The following SCAF8 variants were observed in gnomAD, a reference collection of about 807,000 sequenced individuals.
SCAF8 encodes the protein SR-related CTD associated factor 8.
In SCAF8, 23 loss-of-function variants were observed where a neutral mutation model predicts 140.5. The observed-to-expected ratio is 0.16, with a 90% confidence interval of 0.12 to 0.23. The LOEUF is 0.23. SCAF8 is among the 10% of genes least tolerant of loss of function. SCAF8 has a pLI of 1.00. For synonymous variants in SCAF8, 575 were observed against 528.9 expected, an observed-to-expected ratio of 1.09 and a Z score of -1.20; for missense variants, 1,397 against 1,555.7, an observed-to-expected ratio of 0.90 and a Z score of 1.72.
intron 1 of SCAF8, chr6:154,742,079 A>T: frequency 9.3e-7 from 1 of 1,078,956 alleles, no homozygotes; most frequent in South Asian, 1.3e-5. Flanking sequence ...TTCAATTGGT[A>T]GTGGAATAGT....
intron 1 of SCAF8, among the ~76,000 whole-genome samples, chr6:154,765,031 G>GTAA (rs1188531189): frequency 6.6e-6 from 1 of 152,176 alleles, no homozygotes; most frequent in African/African-American, 2.4e-5. Flanking sequence ...ACCAGGCATT[G>GTAA]TAATGTCTTG....
intron 2 of SCAF8, among the ~76,000 whole-genome samples, chr6:154,775,220 C>T (rs1776882816): frequency 6.6e-6 from 1 of 152,112 alleles, no homozygotes; most frequent in Non-Finnish European, 1.5e-5. Flanking sequence ...TAGTTAAAAT[C>T]AGTGTACTTC....
chr6:154,746,894 ATTAACT>A (rs1410373226), intron 1 of SCAF8, among the ~76,000 whole-genome samples: 2 of 152,310 alleles, frequency 1.3e-5, no homozygotes, highest in East Asian at 1.9e-4. Context: ...TTAAAGATAA[ATTAACT>A]TTAATCATTT....
At chr6:154,823,929 C>A (rs763953569) in intron 16 of SCAF8, among the ~76,000 whole-genome samples, 8 of 152,124 alleles carry the variant, frequency 5.3e-5, no homozygotes, top group Non-Finnish European at 8.8e-5. Context: ...ACAGGTATTA[C>A]TGAGTGGGAG....
At chr6:154,749,441 A>T (rs770364297) in intron 1 of SCAF8, among the ~76,000 whole-genome samples, 1 of 152,148 alleles carries the variant, frequency 6.6e-6, no homozygotes. Flanking sequence ...GCCATTCTGC[A>T]GGGTAGTCCG....
chr6:154,784,479 A>G (rs777609363), intron 3 of SCAF8, among the ~76,000 whole-genome samples: 1 of 152,190 alleles, frequency 6.6e-6, no homozygotes, highest in African/African-American at 2.4e-5. Context: ...AGGGATGTTT[A>G]TATAATTACA....
chr6:154,808,038 A>C (rs779509089), intron 9 of SCAF8, 32 bp from the exon 10 acceptor site: 3 of 1,576,334 alleles, frequency 1.9e-6, no homozygotes, highest in South Asian at 1.2e-5. Flanking sequence ...AGTATCTCCC[A>C]ATCTTTGTGT....
chr6:154,778,906 A>G (rs538038656), intron 3 of SCAF8, among the ~76,000 whole-genome samples: 1 of 152,278 alleles, frequency 6.6e-6, no homozygotes, highest in East Asian at 1.9e-4. Context: ...CTTAAAGTTT[A>G]AAAATGTTAG....
At chr6:154,768,014 A>G (rs1033573504) in intron 1 of SCAF8, among the ~76,000 whole-genome samples, 8 of 152,190 alleles carry the variant, frequency 5.3e-5, no homozygotes, top group African/African-American at 1.4e-4. Flanking sequence ...TGCCTTTCTT[A>G]TAACAATTCT....
intron 8 of SCAF8, among the ~76,000 whole-genome samples, chr6:154,804,508 T>C (rs917351708): frequency 6.6e-6 from 1 of 152,168 alleles, no homozygotes; most frequent in Non-Finnish European, 1.5e-5. Flanking sequence ...GTTAACTAAT[T>C]GTTATTATTG....
At chr6:154,747,935 T>TGTGTGTGTGTAC (rs1778745153) in intron 1 of SCAF8, among the ~76,000 whole-genome samples, 1 of 145,838 alleles carries the variant, frequency 6.9e-6, no homozygotes, top group Admixed American at 6.9e-5. Flanking sequence ...TGTGTGTGTG[T>TGTGTGTGTGTAC]GTACTAGAAA....
At chr6:154,738,052 G>T (rs1778473175) in intron 1 of SCAF8, among the ~76,000 whole-genome samples, 1 of 151,978 alleles carries the variant, frequency 6.6e-6, no homozygotes, top group African/African-American at 2.4e-5. Context: ...TGAATTGTGG[G>T]TGTGTGTCTG....
At chr6:154,749,207 G>A (rs1582999976) in intron 1 of SCAF8, among the ~76,000 whole-genome samples, 2 of 152,154 alleles carry the variant, frequency 1.3e-5, no homozygotes, top group South Asian at 4.1e-4. Context: ...TCCCAAAGTG[G>A]TGGGATTACA....
intron 1 of SCAF8, among the ~76,000 whole-genome samples, chr6:154,767,103 C>T (rs762179462): frequency 4.6e-5 from 7 of 152,096 alleles, no homozygotes; most frequent in Non-Finnish European, 8.8e-5. Flanking sequence ...GGCAAGGGTA[C>T]TTCCTGACTT....
chr6:154,793,873 G>T (rs1426511669), intron 5 of SCAF8, among the ~76,000 whole-genome samples: 1 of 150,820 alleles, frequency 6.6e-6, no homozygotes, highest in African/African-American at 2.4e-5. Context: ...AATTAAATTG[G>T]TTAGCATTTC....
intron 6 of SCAF8, among the ~76,000 whole-genome samples, chr6:154,798,509 TC>T (rs1269846315): frequency 1.1e-4 from 17 of 151,438 alleles, no homozygotes; most frequent in African/African-American, 3.6e-4. Flanking sequence ...TTGATTCCTT[TC>T]TTCCCTTTGT....
intron 2 of SCAF8, among the ~76,000 whole-genome samples, chr6:154,777,590 A>G (rs1447472869): frequency 6.6e-6 from 1 of 152,224 alleles, no homozygotes; most frequent in Non-Finnish European, 1.5e-5. Flanking sequence ...TGATTTTTCA[A>G]ATTTCCCTTG....
Position 154,831,003 on chromosome 6 carries a change from C to G in SCAF8, c.2222C>G (p.Ser741Cys), listed in dbSNP as rs1352480451. 14 of 1,613,968 alleles carry G rather than the reference C, an allele frequency of 8.7e-6. No individual in the cohort carries two copies. The highest frequency in any genetic ancestry group is 1.2e-5 in the Non-Finnish European group (14 of 1,179,964). Reference sequence around the variant, plus strand: ...GGTAGCCTTGTTATACCAGGCGGTTCTGTTGCCAGCAATCTTGCTACTTCC... The same window carrying G: ...GGTAGCCTTGTTATACCAGGCGGTTGTGTTGCCAGCAATCTTGCTACTTCC... ...GFGSLVIPGG[S>C]VASNLATSAL... The change falls in exon 19 of 20, where the codon TCT becomes TGT. Residue 741 changes from serine to cysteine, a missense_variant. By Grantham distance (112) the Ser-to-Cys change is moderately radical (BLOSUM62 -1). Transcript: ENST00000367178.
chr6:154,775,090 A>C (rs1776878875), intron 2 of SCAF8, among the ~76,000 whole-genome samples: 2 of 152,238 alleles, frequency 1.3e-5, no homozygotes, highest in Admixed American at 6.5e-5. Context: ...AGTGTATTAA[A>C]TTTAACAGAT....
Sources: allele counts gnomAD v4.1 joint callset (sites outside exome capture counted in the v4.1 genomes callset), GRCh38; gene constraint gnomAD v4.1.1; transcripts MANE v1.5; gene names NCBI Gene and HGNC (gene_info 2026-07-23, HGNC 2026-07-21).